The following NHSL1 variants were observed in gnomAD, a reference collection of about 807,000 sequenced individuals.
NHSL1 encodes the protein NHS like 1, also known as NHS-like protein 1.
A neutral mutation model predicts 95.0 loss-of-function variants in NHSL1; 48 were observed. The ratio of observed to expected loss-of-function variants is 0.51; its 90% CI spans 0.40 to 0.64. The LOEUF is 0.64. Among genes scored for constraint, NHSL1 ranks in the 30% least tolerant of loss-of-function variants. The probability of loss-of-function intolerance (pLI) is 0.00; values close to 1 mark genes in which losing one functional copy is unlikely to be tolerated. For missense variants in NHSL1, 1,971 were observed against 2,077.7 expected, an observed-to-expected ratio of 0.95 and a Z score of 1.00; for synonymous variants, 783 against 833.9, an observed-to-expected ratio of 0.94 and a Z score of 1.05.
At chr6:138,587,030 C>T (rs964947578) in intron 1 of NHSL1, among the ~76,000 whole-genome samples, 6 of 151,736 alleles carry the variant, frequency 4.0e-5, no homozygotes, top group Admixed American at 3.3e-4. Context: ...TGGAGTGCAG[C>T]GGTACAATCT....
intron 3 of NHSL1, 32 bp downstream of exon 3, chr6:138,473,274 C>A (rs1778864449): frequency 6.6e-7 from 1 of 1,505,774 alleles, no homozygotes. Context: ...TGGGACCCAA[C>A]CCAGGACCCC....
chr6:138,426,547 T>A (rs994863416), intron 7 of NHSL1, among the ~76,000 whole-genome samples: 2 of 152,228 alleles, frequency 1.3e-5, no homozygotes, highest in African/African-American at 4.8e-5. Flanking sequence ...ATAGCCATAA[T>A]TGGTCAGGCA....
At chr6:138,468,428 C>T (rs180688785) in intron 3 of NHSL1, among the ~76,000 whole-genome samples, 2 of 152,318 alleles carry the variant, frequency 1.3e-5, no homozygotes, top group East Asian at 3.9e-4. Flanking sequence ...CTGGGCTGAA[C>T]AGCAGGAGGT....
At chr6:138,524,838 T>A (rs142135424) in intron 1 of NHSL1, among the ~76,000 whole-genome samples, 52 of 152,298 alleles carry the variant, frequency 3.4e-4, no homozygotes, top group African/African-American at 1.2e-3. Context: ...CAAAAAAATA[T>A]TGAAGGATCT....
Position 138,510,358 on chromosome 6 carries a change from C to T in NHSL1, c.17-13987G>A, listed in dbSNP as rs1002215436. Reference sequence around the variant, plus strand: ...TAGACCATTTTGGTTTGCTGATGAACGAACAGCAAGACCTATAGTTAAGTC... The same window carrying T: ...TAGACCATTTTGGTTTGCTGATGAATGAACAGCAAGACCTATAGTTAAGTC... On this transcript the variant is annotated intron_variant, in intron 1 of 4. Coordinates refer to the NHSL1 transcript ENST00000342260. 3.8e-4 allele frequency among the ~76,000 whole-genome samples: 58 copies of T among 152,266 alleles called. 2 individuals are homozygous for T. The highest frequency in any genetic ancestry group is 2.7e-3 in the Admixed American group (41 of 15,294).
rs1475314379 is a variant in NHSL1 at position 138,431,767 on chromosome 6, T to G, written c.2578A>C (p.Thr860Pro). 6.4e-7 allele frequency: 1 copy of G among 1,551,594 alleles called. No individual in the cohort carries two copies. Among genetic ancestry groups the G allele is most frequent in the African/African-American group, 1.4e-5 (1 of 73,054 alleles). The change falls in exon 6 of 8, where the codon ACA becomes CCA. Residue 860 changes from threonine to proline, a missense_variant. Thr to Pro is a conservative substitution (Grantham distance 38, BLOSUM62 -1). Transcript: ENST00000343505. The surrounding 1 kb of genome is among the most constrained non-coding windows in gnomAD (Gnocchi z 4.0). Reference protein sequence around the residue: ...SGYSSQSNTPTALTPVPVFLK... With the variant: ...SGYSSQSNTPPALTPVPVFLK... ...AACACAGGCACAGGGGTGAGTGCTGTGGGTGTATTCGACTGGCTGGAATAC... is the reference window on the plus strand; with the variant it reads ...AACACAGGCACAGGGGTGAGTGCTGGGGGTGTATTCGACTGGCTGGAATAC...
intron 1 of NHSL1, among the ~76,000 whole-genome samples, chr6:138,522,459 T>C (rs1406197848): frequency 1.3e-5 from 2 of 152,306 alleles, no homozygotes; most frequent in African/African-American, 4.8e-5. Flanking sequence ...CTGGTCAACA[T>C]GGTGAAACCC....
At chr6:138,530,536 A>G (rs951672446) in intron 1 of NHSL1, among the ~76,000 whole-genome samples, 4 of 152,246 alleles carry the variant, frequency 2.6e-5, no homozygotes, top group African/African-American at 9.6e-5. Flanking sequence ...TAAATGCCCA[A>G]TAACTGAAGA....
At chr6:138,581,610 T>G (rs1477632273) in intron 1 of NHSL1, among the ~76,000 whole-genome samples, 1 of 146,710 alleles carries the variant, frequency 6.8e-6, no homozygotes, top group Non-Finnish European at 1.5e-5. Context: ...GAGAATCGCT[T>G]GAACACAGGA....
chr6:138,612,697 G>A (rs181170320), intron 1 of NHSL1, among the ~76,000 whole-genome samples: 11 of 152,264 alleles, frequency 7.2e-5, no homozygotes, highest in African/African-American at 2.4e-4. Flanking sequence ...ATGACACACT[G>A]CCCTCTCAAT....
At chr6:138,547,230 TG>T (rs1782833805), upstream of NHSL1, among the ~76,000 whole-genome samples, 1 of 151,980 alleles carries the variant, frequency 6.6e-6, no homozygotes, top group Non-Finnish European at 1.5e-5. Flanking sequence ...CAATAGCACC[TG>T]GGTAATAAAT....
intron 1 of NHSL1, among the ~76,000 whole-genome samples, chr6:138,649,366 A>C (rs1250734657): frequency 6.6e-6 from 1 of 151,630 alleles, no homozygotes; most frequent in Non-Finnish European, 1.5e-5. Flanking sequence ...TACTCTATGG[A>C]TCTTCCTTAA....
At chr6:138,478,722 A>T (rs2149583) in intron 2 of NHSL1, among the ~76,000 whole-genome samples, 33,511 of 152,180 alleles carry the variant, frequency 0.22, 3,996 homozygotes, top group East Asian at 0.36. Flanking sequence ...TCGTTCACAC[A>T]TATTCTTCTT....
intron 1 of NHSL1, among the ~76,000 whole-genome samples, chr6:138,596,122 T>G (rs1014914167): frequency 1.3e-5 from 2 of 152,154 alleles, no homozygotes; most frequent in African/African-American, 4.8e-5. Flanking sequence ...TGCCTTCCAG[T>G]AGTCAATGGT....
chr6:138,458,487 G>A lies in NHSL1; in HGVS notation c.340-11294C>T, dbSNP rs557260530. On this transcript the variant is annotated intron_variant, in intron 3 of 7. Transcript: ENST00000343505. ...TAGGTGGATCACTTGAGGTCCGGGG[G>A]TTCGAGACCAGCCTGGCCAAAATGG... Among the ~76,000 whole-genome samples, 31 of 152,140 alleles carry A rather than the reference G, an allele frequency of 2.0e-4. No homozygotes were observed. In the East Asian group the frequency reaches 3.1e-3, roughly 15 times the overall value.
At position 138,652,677 on chromosome 6, in the gene NHSL1, T is replaced by A. The variant is rs80240984; in HGVS notation, c.96+39799A>T. 2.3e-3 allele frequency among the ~76,000 whole-genome samples: 344 copies of A among 152,180 alleles called. 1 individual carries two copies. Among genetic ancestry groups the A allele is most frequent in the African/African-American group, 7.7e-3 (319 of 41,526 alleles). On this transcript the variant is annotated intron_variant, in intron 1 of 3. Transcript: ENST00000491526. ...CACACTGCAAAACAAATTAGTTAGA[T>A]CATCACTGTTATTCTCCAAGCAATT...
intron 1 of NHSL1, 138 bp from the exon 2 acceptor site, chr6:138,496,509 T>C (rs1780362848): frequency 2.5e-6 from 2 of 813,970 alleles, no homozygotes; most frequent in African/African-American, 3.4e-5. Context: ...CCTAAATTAG[T>C]TTTAATCTTA....
chr6:138,564,639 T>C (rs1269743803), intron 1 of NHSL1, among the ~76,000 whole-genome samples: 6 of 145,612 alleles, frequency 4.1e-5, no homozygotes, highest in African/African-American at 2.8e-5. Flanking sequence ...ATTGAGCACT[T>C]AGCCTTGGGG....
Position 138,541,203 on chromosome 6 carries a change from A to C in NHSL1, c.16+4420T>G, listed in dbSNP as rs993248563. 2.0e-5 allele frequency among the ~76,000 whole-genome samples: 3 copies of C among 151,966 alleles called. No homozygotes were observed. In the South Asian group the frequency reaches 6.2e-4, roughly 32 times the overall value. The stretch of plus-strand genomic sequence containing the variant: ...CCAACATGGTGAAACCTCATCTCTA[A>C]TAAAAATACAAAAATTAGCCGGACA... On this transcript the variant is annotated intron_variant, in intron 1 of 4. Transcript: ENST00000342260.
Sources: allele counts gnomAD v4.1 joint callset (sites outside exome capture counted in the v4.1 genomes callset), GRCh38; gene constraint gnomAD v4.1.1; non-coding constraint Gnocchi (gnomAD v3.1); transcripts MANE v1.5; gene names NCBI Gene and HGNC (gene_info 2026-07-23, HGNC 2026-07-21).